Variants in COL21A1 observed in about 807,000 individuals in gnomAD.
The protein encoded by COL21A1 is collagen alpha-1(XXI) chain.
COL21A1 carries 149 observed loss-of-function variants against 137.9 expected under a neutral mutation model. The ratio of observed to expected loss-of-function variants is 1.08; its 90% CI spans 0.95 to 1.24. The LOEUF (loss-of-function observed/expected upper bound fraction) is 1.24. COL21A1 is among the 50% of genes most tolerant of loss of function. The pLI is 0.00. For missense variants in COL21A1, 1,167 were observed against 1,158.4 expected, an observed-to-expected ratio of 1.01 and a Z score of -0.11; for synonymous variants, 456 against 391.5, an observed-to-expected ratio of 1.16 and a Z score of -1.95.
intron 16 of COL21A1, among the ~76,000 whole-genome samples, chr6:56,111,508 T>C (rs981840593): frequency 6.6e-6 from 1 of 152,162 alleles, no homozygotes; most frequent in Non-Finnish European, 1.5e-5. Context: ...AGAAGTTGGA[T>C]AAAGGGTATG....
intron 1 of COL21A1, chr6:56,331,761 A>G (rs1179203795): frequency 4.8e-5 from 7 of 145,540 alleles, no homozygotes; most frequent in Non-Finnish European, 1.1e-4. Context: ...TGGCTAATTG[A>G]ACTCTTTTTT....
At chr6:56,237,978 A>G (rs1210692893) in intron 1 of COL21A1, among the ~76,000 whole-genome samples, 1 of 152,104 alleles carries the variant, frequency 6.6e-6, no homozygotes, top group Non-Finnish European at 1.5e-5. Context: ...AGCTTAATAG[A>G]CTACGTGGTT....
intron 1 of COL21A1, among the ~76,000 whole-genome samples, chr6:56,362,628 C>G (rs1271289066): frequency 2.6e-5 from 4 of 152,118 alleles, no homozygotes; most frequent in Admixed American, 6.6e-5. Flanking sequence ...GCTCCTCCCC[C>G]AGTCCACTTA....
rs28369566 is a variant in COL21A1 at position 56,195,499 on chromosome 6, T to C, written c.-38-12843A>G. On this transcript the variant is annotated intron_variant, in intron 1 of 29. Coordinates refer to ENST00000244728, the MANE Select transcript of COL21A1 (RefSeq NM_030820.4). ...ATTTTAATATATATTTTAGTTAACT[T>C]AGAATACTAAGAAAAAAAAGAGAGA... 5.1e-3 allele frequency among the ~76,000 whole-genome samples: 766 copies of C among 151,638 alleles called. 8 individuals are homozygous for C. The highest frequency in any genetic ancestry group is 0.018 in the African/African-American group (733 of 41,358).
chr6:56,108,403 A>T (rs1322668890), intron 16 of COL21A1, among the ~76,000 whole-genome samples: 1 of 152,062 alleles, frequency 6.6e-6, no homozygotes, highest in African/African-American at 2.4e-5. Context: ...GCTAGACAAT[A>T]GAAGGATGGG....
At chr6:56,265,391 A>C (rs1476014381) in intron 1 of COL21A1, among the ~76,000 whole-genome samples, 1 of 152,200 alleles carries the variant, frequency 6.6e-6, no homozygotes, top group African/African-American at 2.4e-5. Context: ...TAGTCCAAAA[A>C]CCATGGGAAA....
At chr6:56,158,834 A>G (rs578002957) in intron 9 of COL21A1, among the ~76,000 whole-genome samples, 1 of 152,290 alleles carries the variant, frequency 6.6e-6, no homozygotes, top group Non-Finnish European at 1.5e-5. Flanking sequence ...GAAGAAGGGA[A>G]ATGTCATTTT....
intron 1 of COL21A1, among the ~76,000 whole-genome samples, chr6:56,226,453 A>G (rs144271198): frequency 3.9e-5 from 6 of 152,190 alleles, no homozygotes; most frequent in Admixed American, 3.9e-4. Context: ...AAACATTTTT[A>G]AAAGCTTTAT....
At position 56,076,266 on chromosome 6, in the gene COL21A1, T is replaced by C. The variant is rs1234428057; in HGVS notation, c.1858-734A>G. ...TCAAATGGGGCTGAAATGGTATCCA[T>C]GGCTACCAGCAAAAGGCAGGTCTTC... On this transcript the variant is annotated intron_variant, in intron 18 of 29. Transcript: ENST00000244728. 4.0e-5 allele frequency among the ~76,000 whole-genome samples: 6 copies of C among 151,512 alleles called. No homozygotes were observed. The South Asian group carries it at 6.2e-4, about 16-fold the overall frequency.
At chr6:56,374,327 C>T (rs2093995453) in intron 1 of COL21A1, among the ~76,000 whole-genome samples, 1 of 152,100 alleles carries the variant, frequency 6.6e-6, no homozygotes, top group African/African-American at 2.4e-5. Flanking sequence ...TTGACAGCCA[C>T]AAATGCCAAG....
chr6:56,282,135 C>T (rs1486950944), intron 1 of COL21A1, among the ~76,000 whole-genome samples: 3 of 152,128 alleles, frequency 2.0e-5, no homozygotes, highest in South Asian at 2.1e-4. Flanking sequence ...TGGGGTCATA[C>T]ACAAAAGTCT....
intron 1 of COL21A1, among the ~76,000 whole-genome samples, chr6:56,192,520 G>A (rs543445854): frequency 2.5e-4 from 37 of 150,046 alleles, no homozygotes; most frequent in Non-Finnish European, 3.7e-4. Flanking sequence ...TCAAAAAGTC[G>A]ACAAAGGATA....
intron 14 of COL21A1, 52 bp from the exon 15 acceptor site, chr6:56,124,344 G>T: frequency 6.6e-6 from 10 of 1,509,884 alleles, no homozygotes; most frequent in Non-Finnish European, 9.0e-6. Flanking sequence ...ATGTTTTCAA[G>T]TTCCAACCAA....
Position 56,110,718 on chromosome 6 carries a change from C to A in COL21A1, c.1759-9193G>T, listed in dbSNP as rs555535849. 8.9e-4 allele frequency among the ~76,000 whole-genome samples: 136 copies of A among 151,972 alleles called. 1 individual carries two copies. Among genetic ancestry groups the A allele is most frequent in the Middle Eastern group, 3.4e-3 (1 of 292 alleles). On this transcript the variant is annotated intron_variant, in intron 16 of 29. Coordinates refer to ENST00000244728, the MANE Select transcript of COL21A1 (RefSeq NM_030820.4). ...AACAAACTGAAAAATTTTTCAAAGT[C>A]TATTTATGAGTATGAAGAAATACAA... is the stretch of plus-strand genomic sequence containing the variant.
At chr6:56,169,272 A>G (rs1329398449) in intron 5 of COL21A1, among the ~76,000 whole-genome samples, 1 of 151,924 alleles carries the variant, frequency 6.6e-6, no homozygotes. Context: ...ACTAGGATTA[A>G]TCTCTCTCCC....
chr6:56,372,645 G>T (rs1358421538), intron 1 of COL21A1, among the ~76,000 whole-genome samples: 1 of 152,220 alleles, frequency 6.6e-6, no homozygotes, highest in African/African-American at 2.4e-5. Context: ...CTTATGTAAG[G>T]CTGGAGTGGG....
intron 1 of COL21A1, among the ~76,000 whole-genome samples, chr6:56,283,271 A>G (rs1473184488): frequency 6.6e-6 from 1 of 152,088 alleles, no homozygotes; most frequent in Non-Finnish European, 1.5e-5. Context: ...ACTGTGGCCA[A>G]AAAATTATTA....
At chr6:56,066,777 T>C (rs1025275341) in intron 23 of COL21A1, among the ~76,000 whole-genome samples, 19 of 151,712 alleles carry the variant, frequency 1.3e-4, no homozygotes, top group Non-Finnish European at 1.6e-4. Context: ...CCTTTGCTGC[T>C]AAGACACCCA....
intron 1 of COL21A1, among the ~76,000 whole-genome samples, chr6:56,306,183 T>A (rs542141978): frequency 0.013 from 1,846 of 139,186 alleles, 20 homozygotes; most frequent in South Asian, 0.022. Flanking sequence ...TCATTTCAAC[T>A]TTGGTGAATC....
Sources: allele counts gnomAD v4.1 joint callset (sites outside exome capture counted in the v4.1 genomes callset), GRCh38; gene constraint gnomAD v4.1.1; transcripts MANE v1.5; gene names NCBI Gene and HGNC (gene_info 2026-07-23, HGNC 2026-07-21).